Variants in BICC1 observed in about 807,000 individuals in gnomAD.
The protein encoded by BICC1 is protein bicaudal C homolog 1.
In BICC1, 43 loss-of-function variants were observed where a neutral mutation model predicts 111.0. That is an observed-to-expected ratio of 0.39 (90% CI 0.30 to 0.50). The LOEUF (loss-of-function observed/expected upper bound fraction) is 0.50, where lower values mean the gene tolerates loss of function less well. BICC1 is among the 20% of genes least tolerant of loss of function. The probability of loss-of-function intolerance (pLI) is 0.88; values close to 1 mark genes in which losing one functional copy is unlikely to be tolerated. For missense variants in BICC1, 1,091 were observed against 1,203.2 expected (o/e 0.91, Z 1.38); for synonymous variants, 467 against 434.4 (o/e 1.07, Z -0.93).
chr10:58,750,147 A>G (rs1029470817), intron 3 of BICC1, among the ~76,000 whole-genome samples: 1 of 152,122 alleles, frequency 6.6e-6, no homozygotes, highest in African/African-American at 2.4e-5. Flanking sequence ...GATGGAGTCA[A>G]TGTTCAGGGC....
chr10:58,700,839 G>C (rs1303017250), intron 2 of BICC1, among the ~76,000 whole-genome samples: 1 of 152,054 alleles, frequency 6.6e-6, no homozygotes, highest in Non-Finnish European at 1.5e-5. Flanking sequence ...GAATGTGAGT[G>C]GTCTGTGCTA....
chr10:58,774,619 T>C (rs1485610994), intron 3 of BICC1, among the ~76,000 whole-genome samples: 1 of 152,230 alleles, frequency 6.6e-6, no homozygotes, highest in East Asian at 1.9e-4. Flanking sequence ...TTTTCTTCTC[T>C]TCTTAATATA....
rs377101629 is a variant in BICC1 at position 58,527,640 on chromosome 10, C to T, written c.190+14307C>T. ...GGATCCGGTTTCAGCTTTCTACATA[C>T]GGCTAGCCAGTTTTCCCAGCACCAT... On this transcript the variant is annotated intron_variant, in intron 1 of 20. Transcript: ENST00000373886. 1.1e-3 allele frequency among the ~76,000 whole-genome samples: 166 copies of T among 151,956 alleles called. 1 individual carries two copies. In the Middle Eastern group the frequency reaches 0.014, roughly 12 times the overall value.
chr10:58,792,161 C>G (rs1291525790), intron 8 of BICC1, among the ~76,000 whole-genome samples: 1 of 152,000 alleles, frequency 6.6e-6, no homozygotes, highest in Non-Finnish European at 1.5e-5. Context: ...AATTCCAGCA[C>G]CCAGTGGGCT....
chr10:58,701,222 T>A (rs1402866879), intron 2 of BICC1, among the ~76,000 whole-genome samples: 1 of 152,054 alleles, frequency 6.6e-6, no homozygotes, highest in Non-Finnish European at 1.5e-5. Flanking sequence ...AATACATGAT[T>A]TTTTTTTGCT....
intron 1 of BICC1, among the ~76,000 whole-genome samples, chr10:58,566,347 C>G (rs758680875): frequency 6.6e-6 from 1 of 151,688 alleles, no homozygotes; most frequent in Admixed American, 6.6e-5. Context: ...TATACATACA[C>G]ATATATATAT....
At chr10:58,629,614 T>G (rs775994904) in intron 2 of BICC1, among the ~76,000 whole-genome samples, 8 of 152,214 alleles carry the variant, frequency 5.3e-5, no homozygotes, top group Non-Finnish European at 7.3e-5. Context: ...CTTTGTATTT[T>G]GTTTAAATAG....
At chr10:58,728,473 C>T (rs1254845446) in intron 3 of BICC1, among the ~76,000 whole-genome samples, 1 of 152,032 alleles carries the variant, frequency 6.6e-6, no homozygotes, top group East Asian at 1.9e-4. Context: ...CTGTTTTCAC[C>T]ACCACTGCAG....
intron 1 of BICC1, among the ~76,000 whole-genome samples, chr10:58,562,481 CTATT>C (rs1843634263): frequency 2.0e-5 from 3 of 151,904 alleles, no homozygotes; most frequent in African/African-American, 7.2e-5. Context: ...TTTTTTATAT[CTATT>C]TGTGTTGAAT....
intron 1 of BICC1, among the ~76,000 whole-genome samples, chr10:58,554,300 G>A (rs542987810): frequency 5.3e-5 from 8 of 152,026 alleles, no homozygotes; most frequent in Admixed American, 6.6e-5. Context: ...TTTTATTGTC[G>A]AACCCTGAGC....
intron 2 of BICC1, among the ~76,000 whole-genome samples, chr10:58,628,364 AAC>A (rs1299698113): frequency 1.1e-4 from 17 of 152,308 alleles, no homozygotes; most frequent in Admixed American, 1.1e-3. Context: ...TCTTTTATAT[AAC>A]AGTTATAAAG....
intron 3 of BICC1, among the ~76,000 whole-genome samples, chr10:58,736,814 T>A (rs1201707502): frequency 6.6e-6 from 1 of 152,134 alleles, no homozygotes. Flanking sequence ...TAATACTGGA[T>A]GGAGAGGTGA....
At chr10:58,685,647 C>T (rs1202220589) in intron 2 of BICC1, among the ~76,000 whole-genome samples, 1 of 152,096 alleles carries the variant, frequency 6.6e-6, no homozygotes, top group Non-Finnish European at 1.5e-5. Flanking sequence ...CTTTTGATCT[C>T]TGTTGACTTG....
intron 2 of BICC1, among the ~76,000 whole-genome samples, chr10:58,627,965 A>G (rs964712049): frequency 6.6e-6 from 1 of 152,176 alleles, no homozygotes; most frequent in Admixed American, 6.5e-5. Context: ...CTTTTTGGAA[A>G]TATTTAATGA....
chr10:58,825,475 T>C (rs1170931000), intron 20 of BICC1, among the ~76,000 whole-genome samples: 1 of 152,218 alleles, frequency 6.6e-6, no homozygotes, highest in East Asian at 1.9e-4. Flanking sequence ...TATCATTTAC[T>C]ACCATACAAT....
At chr10:58,537,293 T>A (rs1340684577) in intron 1 of BICC1, among the ~76,000 whole-genome samples, 1 of 151,612 alleles carries the variant, frequency 6.6e-6, no homozygotes, top group Non-Finnish European at 1.5e-5. Context: ...ATATCCCTGT[T>A]GTATATAGAT....
chr10:58,557,990 C>T (rs1408826168), intron 1 of BICC1, among the ~76,000 whole-genome samples: 4 of 151,982 alleles, frequency 2.6e-5, no homozygotes, highest in African/African-American at 9.7e-5. Flanking sequence ...AGAGTTTGAC[C>T]CTTTTATGTC....
intron 20 of BICC1, 108 bp from the exon 21 acceptor site, chr10:58,828,653 T>C: frequency 1.7e-6 from 2 of 1,206,840 alleles, no homozygotes. Flanking sequence ...GACTTGACTT[T>C]CCTCAAAAAA....
intron 15 of BICC1, among the ~76,000 whole-genome samples, chr10:58,804,193 A>C (rs1021816206): frequency 1.3e-5 from 2 of 152,108 alleles, no homozygotes; most frequent in African/African-American, 4.8e-5. Context: ...AATAAAAGCT[A>C]TGGCCTTTAT....
Sources: allele counts gnomAD v4.1 joint callset (sites outside exome capture counted in the v4.1 genomes callset), GRCh38; gene constraint gnomAD v4.1.1; transcripts MANE v1.5; gene names NCBI Gene and HGNC (gene_info 2026-07-23, HGNC 2026-07-21).